ESR1: variants seen among roughly 807,000 people sequenced by gnomAD.
The protein encoded by ESR1 is estrogen receptor.
A neutral mutation model predicts 52.7 loss-of-function variants in ESR1; 12 were observed. That is an observed-to-expected ratio of 0.23 (90% CI 0.15 to 0.37). The LOEUF (loss-of-function observed/expected upper bound fraction) is 0.37, where lower values mean the gene tolerates loss of function less well. ESR1 is among the 10% of genes least tolerant of loss of function. The pLI is 1.00. For synonymous variants in ESR1, 305 were observed against 316.8 expected, an observed-to-expected ratio of 0.96 and a Z score of 0.39; for missense variants, 584 against 779.7, an observed-to-expected ratio of 0.75 and a Z score of 2.99.
At chr6:152,107,391 C>T (rs1306961446), downstream of ESR1, among the ~76,000 whole-genome samples, 1 of 152,040 alleles carries the variant, frequency 6.6e-6, no homozygotes, top group Non-Finnish European at 1.5e-5. Flanking sequence ...TGAGGTTGAG[C>T]TCTTCTAGTG....
intron 2 of ESR1, among the ~76,000 whole-genome samples, chr6:151,855,302 T>C (rs968973422): frequency 2.6e-5 from 4 of 152,166 alleles, no homozygotes; most frequent in Non-Finnish European, 4.4e-5. Flanking sequence ...GGAGATGGTT[T>C]TTCTCTTTAT....
At chr6:152,063,465 C>G (rs952103385) in intron 6 of ESR1, among the ~76,000 whole-genome samples, 4 of 152,182 alleles carry the variant, frequency 2.6e-5, no homozygotes, top group African/African-American at 9.6e-5. Context: ...AAAAGCGGAT[C>G]TGCTGCTGAG....
intron 2 of ESR1, among the ~76,000 whole-genome samples, chr6:151,722,873 G>A (rs1404017511): frequency 6.6e-6 from 1 of 152,140 alleles, no homozygotes; most frequent in Non-Finnish European, 1.5e-5. Flanking sequence ...GAAGTTCAGG[G>A]TCTGGGCTTA....
intron 2 of ESR1, among the ~76,000 whole-genome samples, chr6:151,789,653 C>T (rs1164519797): frequency 2.0e-5 from 3 of 152,182 alleles, no homozygotes; most frequent in African/African-American, 7.2e-5. Context: ...AAACAAATCT[C>T]AAGACTTTCT....
At chr6:151,819,363 T>C (rs547454268) in intron 1 of ESR1, among the ~76,000 whole-genome samples, 2 of 152,308 alleles carry the variant, frequency 1.3e-5, no homozygotes, top group East Asian at 3.9e-4. Flanking sequence ...CTCGTACTGG[T>C]TTGGGGCCTG....
chr6:152,067,673 A>G (rs2048067359), intron 6 of ESR1, among the ~76,000 whole-genome samples: 1 of 152,118 alleles, frequency 6.6e-6, no homozygotes, highest in Admixed American at 6.5e-5. Flanking sequence ...TAAAAATACA[A>G]AAAGTTAGCT....
chr6:151,883,465 T>A (rs113799612), intron 3 of ESR1, among the ~76,000 whole-genome samples: 1 of 152,052 alleles, frequency 6.6e-6, no homozygotes, highest in Non-Finnish European at 1.5e-5. Context: ...CTAGCCGTCT[T>A]CTGCCTGTGT....
At chr6:152,002,982 GT>G (rs900465266) in intron 4 of ESR1, among the ~76,000 whole-genome samples, 15 of 151,968 alleles carry the variant, frequency 9.9e-5, no homozygotes, top group African/African-American at 3.6e-4. Context: ...GTGGGGATGG[GT>G]TTTTTTGTGT....
chr6:151,765,734 T>C (rs1562388251), intron 2 of ESR1, among the ~76,000 whole-genome samples: 1 of 152,182 alleles, frequency 6.6e-6, no homozygotes, highest in African/African-American at 2.4e-5. Flanking sequence ...GAAAATTCTT[T>C]GGTAACATAG....
chr6:151,726,996 G>T (rs1028252015), intron 2 of ESR1, among the ~76,000 whole-genome samples: 7 of 152,038 alleles, frequency 4.6e-5, no homozygotes, highest in African/African-American at 1.7e-4. Flanking sequence ...ACAGATTTCT[G>T]TAGAACCATT....
chr6:151,764,381 T>C (rs992645964), intron 2 of ESR1, among the ~76,000 whole-genome samples: 40 of 152,216 alleles, frequency 2.6e-4, no homozygotes, highest in African/African-American at 8.9e-4. Flanking sequence ...GAAGAAGACA[T>C]CCTTGATGAA....
chr6:151,985,639 G>A (rs1010928336), intron 4 of ESR1, among the ~76,000 whole-genome samples: 5 of 150,748 alleles, frequency 3.3e-5, no homozygotes, highest in Admixed American at 1.3e-4. Context: ...ATACCATGTC[G>A]GATGGGGCAA....
At chr6:151,722,654 G>C (rs980355011) in intron 2 of ESR1, among the ~76,000 whole-genome samples, 16 of 152,230 alleles carry the variant, frequency 1.1e-4, no homozygotes, top group Non-Finnish European at 1.6e-4. Flanking sequence ...CCTATTAAAA[G>C]CTAATTCATT....
intron 4 of ESR1, among the ~76,000 whole-genome samples, chr6:151,951,702 C>T (rs2036342984): frequency 6.6e-6 from 1 of 152,160 alleles, no homozygotes; most frequent in Non-Finnish European, 1.5e-5. Flanking sequence ...ATCTGTCCTC[C>T]CAAATTCTTT....
chr6:151,828,581 G>A (rs555652829), intron 1 of ESR1, among the ~76,000 whole-genome samples: 1 of 152,262 alleles, frequency 6.6e-6, no homozygotes, highest in East Asian at 1.9e-4. Context: ...GGGGAGTGAA[G>A]GAACAGAAGG....
intron 2 of ESR1, among the ~76,000 whole-genome samples, chr6:151,847,978 G>T: frequency 7.0e-6 from 1 of 142,450 alleles, no homozygotes; most frequent in Non-Finnish European, 1.5e-5. Flanking sequence ...CCATTACTGG[G>T]TATATACCCA....
chr6:151,731,518 G>A (rs924591202), intron 2 of ESR1, among the ~76,000 whole-genome samples: 1 of 152,084 alleles, frequency 6.6e-6, no homozygotes, highest in East Asian at 1.9e-4. Flanking sequence ...CAAGAGAGAC[G>A]GTTAGAAATG....
At chr6:152,116,467 A>G (rs1222376019) in intron 6 of ESR1, among the ~76,000 whole-genome samples, 3 of 152,234 alleles carry the variant, frequency 2.0e-5, no homozygotes, top group Admixed American at 6.5e-5. Flanking sequence ...TTAAAAATGT[A>G]TATGTTGTTT....
intron 2 of ESR1, among the ~76,000 whole-genome samples, chr6:151,851,661 A>G (rs951699959): frequency 6.6e-6 from 1 of 151,674 alleles, no homozygotes; most frequent in South Asian, 2.1e-4. Context: ...CCGAGTAGCT[A>G]GGATTACAGG....
Sources: gnomAD v4.1 joint callset for allele counts (sites outside exome capture counted in the v4.1 genomes callset) on GRCh38, gnomAD v4.1.1 for gene constraint, MANE v1.5 for transcripts, NCBI Gene and HGNC (gene_info 2026-07-23, HGNC 2026-07-21) for gene names.